Variants in DMD observed in about 807,000 individuals in gnomAD.
The protein encoded by DMD is dystrophin.
A neutral mutation model predicts 330.1 loss-of-function variants in DMD; 63 were observed. The ratio of observed to expected loss-of-function variants is 0.19; its 90% CI spans 0.16 to 0.24. The LOEUF is 0.24. DMD is among the 10% of genes least tolerant of loss of function. The pLI, the probability that DMD is intolerant of heterozygous loss-of-function variation, is 1.00. For missense variants in DMD, 3,344 were observed against 2,684.1 expected, an observed-to-expected ratio of 1.25 and a Z score of -5.43; for synonymous variants, 1,223 against 959.8, an observed-to-expected ratio of 1.27 and a Z score of -5.07.
chrX:32,325,835 G>A (rs150884289), intron 41 of DMD, among the ~76,000 whole-genome samples: 2,139 of 95,660 alleles, frequency 0.022, 69 homozygotes, highest in African/African-American at 0.082. Flanking sequence ...ACGGAGTCTC[G>A]CTCTGTTGCC....
At chrX:31,140,066 T>C (rs1032394816) in intron 76 of DMD, among the ~76,000 whole-genome samples, 7 of 112,210 alleles carry the variant, frequency 6.2e-5, no homozygotes, top group African/African-American at 2.3e-4. Flanking sequence ...TGACTCAATT[T>C]AATCCGAGAA....
rs1184694731 is a variant in DMD at position 32,468,700 on chromosome X, C to T, written c.2960G>A (p.Ser987Asn). The change falls in exon 23 of 79, where the codon AGT (serine) becomes AAT (asparagine). Residue 987 changes from serine (S) to asparagine (N), a missense_variant. By Grantham distance (46) the Ser-to-Asn change is conservative. Transcript: ENST00000357033. The part of the protein sequence containing the change: ...QRLGELQALQ[S>N]SLQEQQSGLY... ...GCCACTTTGTTGCTCTTGCAGAGAA[C>T]TTTGTAAAGCCTAAAAAACAATTTT... 8.3e-7 allele frequency: 1 copy of T among 1,208,885 alleles called. No homozygotes were observed. Among genetic ancestry groups the T allele is most frequent in the Non-Finnish European group, 1.1e-6 (1 of 893,650 alleles).
chrX:33,163,620 C>CTATCTATCTATCTATCTATGTATCTATG (rs72200931), intron 1 of DMD, among the ~76,000 whole-genome samples: 1,942 of 19,447 alleles, frequency 0.1, 65 homozygotes, highest in African/African-American at 0.15. Context: ...ATATCTATCT[C>CTATCTATCTATCTATCTATGTATCTATG]TATCTATCTA....
At chrX:32,613,702 A>C (rs2149346938) in intron 12 of DMD, among the ~76,000 whole-genome samples, 1 of 110,582 alleles carries the variant, frequency 9.0e-6, no homozygotes, top group African/African-American at 3.3e-5. Context: ...AGGAAAGCAA[A>C]TTTTTAATAA....
chrX:31,706,599 C>T (rs935924450), intron 52 of DMD, among the ~76,000 whole-genome samples: 18 of 111,064 alleles, frequency 1.6e-4, no homozygotes, highest in African/African-American at 5.9e-4. Context: ...CTATATTCCA[C>T]GGTCCATTTG....
intron 2 of DMD, among the ~76,000 whole-genome samples, chrX:33,002,526 A>G (rs1459518528): frequency 9.1e-6 from 1 of 110,193 alleles, no homozygotes; most frequent in African/African-American, 3.3e-5. Context: ...GTAGAGTTAC[A>G]TAGGACACTC....
intron 50 of DMD, among the ~76,000 whole-genome samples, chrX:31,814,344 G>A (rs1172615667): frequency 4.7e-5 from 5 of 106,988 alleles, no homozygotes; most frequent in East Asian, 2.9e-4. Flanking sequence ...TTAGCCGGGC[G>A]TGGTGGCGGG....
intron 7 of DMD, among the ~76,000 whole-genome samples, chrX:32,781,800 A>AAC (rs1300953515): frequency 9.0e-6 from 1 of 111,504 alleles, no homozygotes; most frequent in Non-Finnish European, 1.9e-5. Context: ...AACTAGCCTA[A>AAC]ACATAAGGAA....
chrX:31,639,887 G>A (rs1702821114), intron 54 of DMD, among the ~76,000 whole-genome samples: 1 of 110,930 alleles, frequency 9.0e-6, no homozygotes, highest in African/African-American at 3.3e-5. Context: ...GGTCTGAGAA[G>A]TTTGAAAACC....
chrX:31,593,939 A>G (rs929121169), intron 55 of DMD, among the ~76,000 whole-genome samples: 1 of 111,829 alleles, frequency 8.9e-6, no homozygotes, highest in African/African-American at 3.2e-5. Flanking sequence ...AAGATAAAAC[A>G]CACTAAATAA....
chrX:31,632,127 G>A (rs780170299), intron 54 of DMD, among the ~76,000 whole-genome samples: 138 of 110,946 alleles, frequency 1.2e-3, no homozygotes, highest in African/African-American at 4.3e-3. Flanking sequence ...CCCTACTCCC[G>A]CCACACACAC....
Position 32,155,550 on chromosome X carries a change from T to C in DMD, c.6438+61366A>G, listed in dbSNP as rs55672607. The C allele has an allele frequency of 0.07, 28,795 of 408,846 alleles. 860 individuals carry two copies. Among genetic ancestry groups the C allele is most frequent in the African/African-American group, 0.11 (3,927 of 36,605 alleles). 33.7% of individuals were successfully genotyped at this position (408,846 alleles called of 1,213,427 possible). A position where few individuals can be genotyped will look rare whatever the true frequency, so the allele number is the denominator to read the frequency against. ...CAAAGGCTCTAAAGAAATCCTGGGC[T>C]GAAACTCTGCTGGATCATGGATTGG... is the stretch of plus-strand genomic sequence containing the variant. On this transcript the variant is annotated intron_variant, in intron 44 of 78. Transcript: ENST00000357033.
At chrX:31,868,299 C>T (rs768366658) in intron 48 of DMD, among the ~76,000 whole-genome samples, 1 of 111,882 alleles carries the variant, frequency 8.9e-6, no homozygotes, top group African/African-American at 3.2e-5. Flanking sequence ...ACAAGAAACG[C>T]CTTTCCTTTT....
At position 31,364,632 on chromosome X, in the gene DMD, C is replaced by T. The variant is rs756575368; in HGVS notation, c.9085-15998G>A. Among the ~76,000 whole-genome samples the T allele has an allele frequency of 6.2e-5, 7 of 112,107 alleles. No homozygotes were observed. The South Asian group carries it at 2.6e-3, about 42-fold the overall frequency. On this transcript the variant is annotated intron_variant, in intron 60 of 78. Transcript: ENST00000357033. ...TCATCACAATAACTATTCAGAGCAA[C>T]GTATTTAAGTTGCTCAAGAACCACA...
At chrX:33,037,607 T>C (rs2094226979) in intron 1 of DMD, among the ~76,000 whole-genome samples, 1 of 111,730 alleles carries the variant, frequency 9.0e-6, no homozygotes, top group Admixed American at 9.5e-5. Context: ...CTGTTTAGTT[T>C]CATTAGACTC....
At chrX:32,976,450 T>C (rs759372596) in intron 2 of DMD, among the ~76,000 whole-genome samples, 6 of 111,569 alleles carry the variant, frequency 5.4e-5, no homozygotes, top group Non-Finnish European at 1.1e-4. Flanking sequence ...TTTATAAGTA[T>C]GTGAATATAT....
chrX:32,803,628 T>G (rs1221575317), intron 7 of DMD, among the ~76,000 whole-genome samples: 2 of 112,107 alleles, frequency 1.8e-5, no homozygotes, highest in Non-Finnish European at 1.9e-5. Flanking sequence ...AAACACTTCT[T>G]TAGCTGTGTC....
intron 44 of DMD, among the ~76,000 whole-genome samples, chrX:32,214,610 C>A (rs977523568): frequency 5.4e-5 from 6 of 111,456 alleles, no homozygotes; most frequent in Admixed American, 1.9e-4. Context: ...TTATCATTCA[C>A]AGGACATCAG....
intron 25 of DMD, among the ~76,000 whole-genome samples, chrX:32,457,085 T>C: frequency 9.4e-6 from 1 of 106,920 alleles, no homozygotes. Flanking sequence ...GTCCACAGAC[T>C]GAGCCCTGGA....
Sources: allele counts gnomAD v4.1 joint callset (sites outside exome capture counted in the v4.1 genomes callset), GRCh38; gene constraint gnomAD v4.1.1; transcripts MANE v1.5; gene names NCBI Gene and HGNC (gene_info 2026-07-23, HGNC 2026-07-21).